XPR1: variants seen among roughly 807,000 people sequenced by gnomAD.
XPR1 encodes xenotropic and polytropic retrovirus receptor 1.
In XPR1, 28 loss-of-function variants were observed where a neutral mutation model predicts 87.5. The observed-to-expected ratio is 0.32, with a 90% confidence interval of 0.24 to 0.44. The LOEUF (loss-of-function observed/expected upper bound fraction) is 0.44. Ranked by LOEUF, XPR1 falls within the 20% of genes least tolerant of loss-of-function variation. The probability of loss-of-function intolerance (pLI) is 1.00; values close to 1 mark genes in which losing one functional copy is unlikely to be tolerated. For synonymous variants in XPR1, 300 were observed against 306.1 expected (o/e 0.98, Z 0.21); for missense variants, 559 against 862.3 (o/e 0.65, Z 4.41).
At chr1:180,729,733 A>G (rs1658487033) in intron 2 of XPR1, among the ~76,000 whole-genome samples, 2 of 152,048 alleles carry the variant, frequency 1.3e-5, no homozygotes, top group South Asian at 4.1e-4. Context: ...TCCTTTGCCC[A>G]CTTTTTAATG....
At chr1:180,778,354 C>T (rs2102074872) in intron 2 of XPR1, among the ~76,000 whole-genome samples, 1 of 152,276 alleles carries the variant, frequency 6.6e-6, no homozygotes, top group East Asian at 1.9e-4. Context: ...CCCCTTTACA[C>T]CAAGGACTAT....
chr1:180,874,785 A>G (rs1304989352), intron 13 of XPR1, among the ~76,000 whole-genome samples: 1 of 152,222 alleles, frequency 6.6e-6, no homozygotes, highest in Non-Finnish European at 1.5e-5. Flanking sequence ...CAGAGCACTA[A>G]CACTACCTTT....
chr1:180,850,591 A>T (rs1250598490), intron 11 of XPR1, among the ~76,000 whole-genome samples: 3 of 152,176 alleles, frequency 2.0e-5, no homozygotes, highest in Non-Finnish European at 4.4e-5. Context: ...TCAATTAAGA[A>T]AAAAGTTTCT....
At chr1:180,721,998 C>T (rs1394475673) in intron 2 of XPR1, among the ~76,000 whole-genome samples, 1 of 151,980 alleles carries the variant, frequency 6.6e-6, no homozygotes, top group Non-Finnish European at 1.5e-5. Context: ...CTTGGTGGCT[C>T]CTGCCTGTAA....
At chr1:180,655,220 T>C (rs1474877815) in intron 1 of XPR1, among the ~76,000 whole-genome samples, 1 of 152,210 alleles carries the variant, frequency 6.6e-6, no homozygotes, top group Non-Finnish European at 1.5e-5. Context: ...TATTTCTTCA[T>C]TGGAGAAATA....
chr1:180,836,869 C>A, intron 11 of XPR1, 153 bp downstream of exon 11: 1 of 804,304 alleles, frequency 1.2e-6, no homozygotes, highest in Non-Finnish European at 1.9e-6. Context: ...TTCTTGAATG[C>A]AGTTTTAGTC....
chr1:180,698,834 C>T lies in XPR1; in HGVS notation c.121+16423C>T, dbSNP rs576371990. On this transcript the variant is annotated intron_variant, in intron 2 of 14. Coordinates refer to ENST00000367590, the MANE Select transcript of XPR1 (RefSeq NM_004736.4). The stretch of plus-strand genomic sequence containing the variant: ...TTCCAGCACTTTGAATATATCATCT[C>T]ATTATCTTCTGACCTGTAAGGTTTG... Among the ~76,000 whole-genome samples, 4 of 152,216 alleles carry T rather than the reference C, an allele frequency of 2.6e-5. No individual in the cohort carries two copies. The South Asian group carries it at 8.3e-4, about 32-fold the overall frequency.
At chr1:180,822,576 G>T (rs917573409) in intron 7 of XPR1, among the ~76,000 whole-genome samples, 2 of 152,112 alleles carry the variant, frequency 1.3e-5, no homozygotes, top group Middle Eastern at 3.2e-3. Context: ...ATGGTGTCAG[G>T]TGTAATAGGC....
In XPR1 at chr1:180,887,973, A is replaced by G. The variant is rs1653068199; in HGVS notation, c.*3907A>G. The G allele has an allele frequency of 1.3e-5, 2 of 152,398 alleles. No homozygotes were observed. The highest frequency in any genetic ancestry group is 2.1e-4 in the South Asian group (1 of 4,834). The allele number at this position is 152,398 out of a possible 1,614,324, so 9.4% of individuals were successfully genotyped here. A position where few individuals can be genotyped will look rare whatever the true frequency, so the allele number is the denominator to read the frequency against. On this transcript the variant is annotated 3_prime_UTR_variant, in exon 15 of 15. Transcript: ENST00000367590. ...GCAGGTATCAGATTAACAGACATTC[A>G]TTGAAGATAAGTGAAATAACTTTGG...
At chr1:180,766,398 T>C (rs879414817) in intron 2 of XPR1, among the ~76,000 whole-genome samples, 9 of 152,170 alleles carry the variant, frequency 5.9e-5, no homozygotes, top group African/African-American at 1.4e-4. Flanking sequence ...ATGCTGAATC[T>C]GGTACATAAT....
chr1:180,680,698 C>G (rs1215339727), intron 1 of XPR1, among the ~76,000 whole-genome samples: 1 of 152,056 alleles, frequency 6.6e-6, no homozygotes, highest in Non-Finnish European at 1.5e-5. Flanking sequence ...ATCAGCAATC[C>G]CACTACTGGG....
chr1:180,732,352 T>C (rs1209876833), intron 2 of XPR1, among the ~76,000 whole-genome samples: 1 of 152,220 alleles, frequency 6.6e-6, no homozygotes, highest in African/African-American at 2.4e-5. Flanking sequence ...TATCTTAATA[T>C]GCGTAACTCC....
intron 2 of XPR1, among the ~76,000 whole-genome samples, chr1:180,765,119 T>C (rs941685985): frequency 6.6e-6 from 1 of 152,164 alleles, no homozygotes; most frequent in African/African-American, 2.4e-5. Context: ...GGAACTGTTA[T>C]AAGAATTTTA....
chr1:180,703,218 G>T (rs1296697653), intron 2 of XPR1, among the ~76,000 whole-genome samples: 3 of 152,108 alleles, frequency 2.0e-5, no homozygotes, highest in Non-Finnish European at 4.4e-5. Context: ...CAAGCCACTG[G>T]ATGGCATGTG....
intron 2 of XPR1, among the ~76,000 whole-genome samples, chr1:180,737,291 T>A (rs754905869): frequency 6.6e-6 from 1 of 152,078 alleles, no homozygotes. Context: ...AACACTGGAG[T>A]TATCATTGAA....
At chr1:180,659,381 GTCCTTCCTTCCTTCCTTCCTTCCTTCCT>G (rs1169616821) in intron 1 of XPR1, among the ~76,000 whole-genome samples, 12 of 55,414 alleles carry the variant, frequency 2.2e-4, no homozygotes, top group African/African-American at 4.3e-4. Flanking sequence ...CCGTCCTTCC[GTCCTTCCTTCCTTCCTTCCTTCCTTCCT>G]TCCTTCCTTC....
chr1:180,797,005 G>A (rs184266334), intron 3 of XPR1, among the ~76,000 whole-genome samples: 113 of 152,272 alleles, frequency 7.4e-4, no homozygotes, highest in Non-Finnish European at 4.9e-4. Flanking sequence ...GCCTGGGGTA[G>A]GGGGTGGAAG....
At chr1:180,751,665 G>A (rs1354662920) in intron 2 of XPR1, among the ~76,000 whole-genome samples, 1 of 152,068 alleles carries the variant, frequency 6.6e-6, no homozygotes, top group African/African-American at 2.4e-5. Context: ...TAAAATTTTT[G>A]TTTCTTCTTC....
At chr1:180,779,387 T>C (rs1433818541) in intron 2 of XPR1, among the ~76,000 whole-genome samples, 1 of 152,216 alleles carries the variant, frequency 6.6e-6, no homozygotes, top group Non-Finnish European at 1.5e-5. Flanking sequence ...TGGCATCTAA[T>C]AGGTACAATT....
Sources: gnomAD v4.1 joint callset for allele counts (sites outside exome capture counted in the v4.1 genomes callset) on GRCh38, gnomAD v4.1.1 for gene constraint, MANE v1.5 for transcripts, NCBI Gene and HGNC (gene_info 2026-07-23, HGNC 2026-07-21) for gene names.